Variants in RAB6B observed in about 807,000 individuals in gnomAD.
RAB6B encodes RAB6B, member RAS oncogene family.
In RAB6B, 7 loss-of-function variants were observed where a neutral mutation model predicts 31.2. That is an observed-to-expected ratio of 0.22 (90% CI 0.13 to 0.42). The LOEUF (loss-of-function observed/expected upper bound fraction) is 0.42. Ranked by LOEUF, RAB6B falls within the 10% of genes least tolerant of loss-of-function variation. The pLI is 1.00. For missense variants in RAB6B, 149 were observed against 280.6 expected, an observed-to-expected ratio of 0.53 and a Z score of 3.35; for synonymous variants, 105 against 104.9, an observed-to-expected ratio of 1.00 and a Z score of -0.01.
intron 1 of RAB6B, among the ~76,000 whole-genome samples, chr3:133,882,111 G>C (rs948886533): frequency 6.6e-6 from 1 of 152,128 alleles, no homozygotes; most frequent in Non-Finnish European, 1.5e-5. Flanking sequence ...TTGGTTCCTT[G>C]TGGTTGTAGG....
At chr3:133,883,621 C>T (rs1936499242) in intron 1 of RAB6B, among the ~76,000 whole-genome samples, 1 of 152,174 alleles carries the variant, frequency 6.6e-6, no homozygotes, top group Non-Finnish European at 1.5e-5. Context: ...CCCTGTTTGC[C>T]CTCTTAGCCC....
chr3:133,851,415 A>T (rs1034244690), intron 2 of RAB6B, among the ~76,000 whole-genome samples: 1 of 152,240 alleles, frequency 6.6e-6, no homozygotes, highest in African/African-American at 2.4e-5. Flanking sequence ...CTGATAAACG[A>T]CCAAAGAAGA....
intron 4 of RAB6B, 114 bp downstream of exon 4, chr3:133,841,171 T>C (rs1935823777): frequency 1.4e-6 from 1 of 694,630 alleles, no homozygotes; most frequent in Non-Finnish European, 2.3e-6. Context: ...CGCACACACA[T>C]GCGTGTGCAC....
At chr3:133,857,851 G>A (rs1936104163) in intron 2 of RAB6B, among the ~76,000 whole-genome samples, 1 of 152,160 alleles carries the variant, frequency 6.6e-6, no homozygotes, top group Non-Finnish European at 1.5e-5. Flanking sequence ...GTAACCCACA[G>A]ACACACTGTT....
chr3:133,871,020 G>A (rs1228277819), intron 1 of RAB6B, among the ~76,000 whole-genome samples: 2 of 152,226 alleles, frequency 1.3e-5, no homozygotes, highest in Non-Finnish European at 2.9e-5. Context: ...TGGGCCCCAG[G>A]CCCCCATCTC....
chr3:133,829,161 T>C (rs1159584020), intron 7 of RAB6B, among the ~76,000 whole-genome samples: 3 of 152,172 alleles, frequency 2.0e-5, no homozygotes, highest in Admixed American at 6.5e-5. Flanking sequence ...AGTGCTCAAA[T>C]GCCAGCTCCC....
intron 2 of RAB6B, among the ~76,000 whole-genome samples, chr3:133,858,161 G>A (rs1385872069): frequency 6.6e-6 from 1 of 152,190 alleles, no homozygotes; most frequent in Non-Finnish European, 1.5e-5. Flanking sequence ...CCCAGTCACT[G>A]GGGCCAACTC....
intron 1 of RAB6B, among the ~76,000 whole-genome samples, chr3:133,871,228 G>A (rs1936319103): frequency 6.6e-6 from 1 of 152,246 alleles, no homozygotes. Context: ...ATCCAGTGGT[G>A]AAGTGAGACC....
At chr3:133,882,193 C>G (rs1045965741) in intron 1 of RAB6B, among the ~76,000 whole-genome samples, 1 of 152,206 alleles carries the variant, frequency 6.6e-6, no homozygotes, top group East Asian at 1.9e-4. Context: ...CCCTCACAGG[C>G]CCTCTCTCAG....
At chr3:133,840,310 A>G (rs1576394825) in intron 4 of RAB6B, among the ~76,000 whole-genome samples, 2 of 152,164 alleles carry the variant, frequency 1.3e-5, no homozygotes, top group South Asian at 4.1e-4. Context: ...CAGAGCAGCT[A>G]TAAGGCAATA....
At chr3:133,854,807 C>G (rs1019181386) in intron 2 of RAB6B, among the ~76,000 whole-genome samples, 1 of 152,186 alleles carries the variant, frequency 6.6e-6, no homozygotes, top group African/African-American at 2.4e-5. Flanking sequence ...CAGCTGATCC[C>G]GGAGGAAAGA....
chr3:133,880,097 G>A (rs548032780), intron 1 of RAB6B, among the ~76,000 whole-genome samples: 1 of 152,364 alleles, frequency 6.6e-6, no homozygotes, highest in Non-Finnish European at 1.5e-5. Flanking sequence ...TAGTTGTAGA[G>A]AAGGAGGAAG....
chr3:133,843,736 G>C (rs572066223), intron 2 of RAB6B, among the ~76,000 whole-genome samples: 2 of 152,298 alleles, frequency 1.3e-5, no homozygotes, highest in South Asian at 4.1e-4. Flanking sequence ...CTGGTTAATG[G>C]GATGTGAACG....
chr3:133,861,441 C>T lies in RAB6B; in HGVS notation c.129+3143G>A, dbSNP rs765268507. The stretch of plus-strand genomic sequence containing the variant: ...AGACCTGCTCCCCTGAGGCATCTCA[C>T]GGGGCCTACCAGGTGGACAAAAAGT... On this transcript the variant is annotated intron_variant, in intron 2 of 7. Coordinates refer to ENST00000285208, the MANE Select transcript of RAB6B (RefSeq NM_016577.4). Among the ~76,000 whole-genome samples the T allele has an allele frequency of 5.9e-5, 9 of 152,150 alleles. 1 individual carries two copies. Among genetic ancestry groups the T allele is most frequent in the Admixed American group, 5.2e-4 (8 of 15,278 alleles).
chr3:133,828,872 GGAA>G lies in RAB6B; in HGVS notation c.563-23_563-21del. On this transcript the variant is annotated intron_variant, in intron 7 of 7. Coordinates refer to ENST00000285208, the MANE Select transcript of RAB6B (RefSeq NM_016577.4). ...CGATCACTGCAGGGGGACGGGCTAAGGAAGATGACTCTCCTGGACAAGCTGCCA... is the reference window on the plus strand; with the variant it reads ...CGATCACTGCAGGGGGACGGGCTAAGGATGACTCTCCTGGACAAGCTGCCA... The G allele has an allele frequency of 1.3e-6, 2 of 1,593,832 alleles. No individual in the cohort carries two copies. The highest frequency in any genetic ancestry group is 1.7e-6 in the Non-Finnish European group (2 of 1,165,918).
In RAB6B at chr3:133,834,588, T is replaced by C. The variant is rs1284703474; in HGVS notation, c.549A>G (p.Lys183=). 6.2e-7 allele frequency: 1 copy of C among 1,613,618 alleles called. No individual in the cohort carries two copies. Among genetic ancestry groups the C allele is most frequent in the Admixed American group, 1.7e-5 (1 of 60,012 alleles). ...GGAAAAGGATACTCCCTTCTTTGCTTTTCTCCTGGACATTCTCCATTCCGG... is the reference window on the plus strand; with the variant it reads ...GGAAAAGGATACTCCCTTCTTTGCTCTTCTCCTGGACATTCTCCATTCCGG... ...ALPGMENVQE[K]SKEGMIDIKL... is the part of the protein sequence containing the mutation. The change falls in exon 7 of 8, where the codon AAA becomes AAG. Residue 183 remains lysine (K), a synonymous_variant. Transcript: ENST00000285208.
chr3:133,828,922 G>A (rs915781944), intron 7 of RAB6B, 70 bp from the exon 8 acceptor site: 15 of 1,366,292 alleles, frequency 1.1e-5, no homozygotes, highest in South Asian at 8.3e-5. Flanking sequence ...CCTGTGCACT[G>A]TACCCTTTGG....
rs551316144 is a variant in RAB6B at position 133,827,685 on chromosome 3, A to G, written c.*1103T>C. The G allele has an allele frequency of 4.7e-5, 27 of 578,528 alleles. No individual in the cohort carries two copies. The highest frequency in any genetic ancestry group is 4.1e-4 in the African/African-American group (22 of 53,266). The allele number at this position is 578,528 out of a possible 1,614,324, so 35.8% of individuals were successfully genotyped here. Reference sequence around the variant, plus strand: ...TCAGCTTTTCCAGAAAGCACTCAACAATATTAGCAGCTGAGGCTCTAAGAA... The same window carrying G: ...TCAGCTTTTCCAGAAAGCACTCAACGATATTAGCAGCTGAGGCTCTAAGAA... On this transcript the variant is annotated 3_prime_UTR_variant, in exon 8 of 8. Transcript: ENST00000285208.
chr3:133,889,429 TATATATATATATA>T (rs1559915488), intron 1 of RAB6B, among the ~76,000 whole-genome samples: 17 of 82,136 alleles, frequency 2.1e-4, no homozygotes, highest in African/African-American at 3.3e-4. Flanking sequence ...TATATATATA[TATATATATATATA>T]TATTTATTTT....
Sources: gnomAD v4.1 joint callset for allele counts (sites outside exome capture counted in the v4.1 genomes callset) on GRCh38, gnomAD v4.1.1 for gene constraint, MANE v1.5 for transcripts, NCBI Gene and HGNC (gene_info 2026-07-23, HGNC 2026-07-21) for gene names.